GPM6A: variants seen among roughly 807,000 people sequenced by gnomAD.
The protein encoded by GPM6A is neuronal membrane glycoprotein M6-a.
GPM6A carries 7 observed loss-of-function variants against 32.1 expected under a neutral mutation model. The observed-to-expected ratio is 0.22, with a 90% CI of 0.12 to 0.41. GPM6A has a LOEUF of 0.41. Among genes scored for constraint, GPM6A ranks in the 10% least tolerant of loss-of-function variants. The probability of loss-of-function intolerance (pLI) is 1.00; values close to 1 mark genes in which losing one functional copy is unlikely to be tolerated. For missense variants in GPM6A, 235 were observed against 347.2 expected (o/e 0.68, Z 2.57); for synonymous variants, 130 against 123.4 (o/e 1.05, Z -0.35).
rs373207401 is a variant in GPM6A, at chr4:175,840,443, C to T, written c.-22-28194G>A. Among the ~76,000 whole-genome samples, 19 of 152,210 alleles carry T rather than the reference C, an allele frequency of 1.2e-4. No homozygotes were observed. In the East Asian group the frequency reaches 3.1e-3, roughly 25 times the overall value. On this transcript the variant is annotated intron_variant, in intron 1 of 7. Transcript: ENST00000280187. ...CTGTAATCCCAGCACTTTGGGAGAC[C>T]GAGGCGGACGGATCACCTGAGGTCA...
chr4:175,841,548 C>T (rs1735934998), intron 1 of GPM6A, among the ~76,000 whole-genome samples: 1 of 152,142 alleles, frequency 6.6e-6, no homozygotes, highest in Non-Finnish European at 1.5e-5. Context: ...CAAAGCCCAG[C>T]AGATAAACCT....
intron 1 of GPM6A, among the ~76,000 whole-genome samples, chr4:175,810,059 T>C (rs1734853890): frequency 6.6e-6 from 1 of 152,160 alleles, no homozygotes. Flanking sequence ...AAAAACAGGA[T>C]AAGAACTAAC....
intron 1 of GPM6A, among the ~76,000 whole-genome samples, chr4:175,831,715 C>CTCT (rs1553993666): frequency 2.9e-5 from 2 of 69,938 alleles, no homozygotes; most frequent in African/African-American, 1.1e-4. Context: ...TTAGCCATCT[C>CTCT]TTTTTTTTTT....
chr4:175,935,075 T>C (rs1739174947), intron 1 of GPM6A, among the ~76,000 whole-genome samples: 1 of 152,212 alleles, frequency 6.6e-6, no homozygotes, highest in Non-Finnish European at 1.5e-5. Flanking sequence ...TCTTGACTAC[T>C]TTAATGTGGA....
intron 1 of GPM6A, among the ~76,000 whole-genome samples, chr4:175,867,222 G>A (rs757493528): frequency 1.9e-4 from 29 of 152,102 alleles, no homozygotes; most frequent in Admixed American, 5.2e-4. Flanking sequence ...TTCTCTTGAC[G>A]TTGTCTTTCA....
At chr4:175,826,335 G>A (rs570136650) in intron 1 of GPM6A, among the ~76,000 whole-genome samples, 4 of 45,526 alleles carry the variant, frequency 8.8e-5, no homozygotes, top group Admixed American at 6.9e-4. Flanking sequence ...TGGCGTACAC[G>A]TGTGTGTGTG....
rs78847893 is a variant in GPM6A at position 175,797,451 on chromosome 4, C to T, written c.37+14740G>A. Among the ~76,000 whole-genome samples the T allele has an allele frequency of 5.6e-3, 852 of 152,136 alleles. 5 individuals carry two copies. Among genetic ancestry groups the T allele is most frequent in the African/African-American group, 0.018 (740 of 41,500 alleles). ...GATGTGATATCAATGTTTGTATCCC[C>T]GCCCTCAAATAATTGAGCTCCCATG... On this transcript the variant is annotated intron_variant, in intron 1 of 6. Transcript: ENST00000393658.
intron 1 of GPM6A, among the ~76,000 whole-genome samples, chr4:175,933,189 T>C (rs1365682158): frequency 6.6e-6 from 1 of 151,934 alleles, no homozygotes; most frequent in East Asian, 1.9e-4. Flanking sequence ...AAAAACTCCA[T>C]TAAAAATGGG....
chr4:175,677,993 A>G (rs1743471173), intron 2 of GPM6A, among the ~76,000 whole-genome samples: 1 of 152,174 alleles, frequency 6.6e-6, no homozygotes, highest in South Asian at 2.1e-4. Context: ...GACCTCAACA[A>G]TATTTCTTCC....
intron 1 of GPM6A, among the ~76,000 whole-genome samples, chr4:175,944,077 A>C (rs1206920240): frequency 2.0e-5 from 3 of 152,122 alleles, no homozygotes; most frequent in Non-Finnish European, 4.4e-5. Flanking sequence ...TGGTCTATTC[A>C]TGGATTTGAC....
chr4:175,788,398 A>C (rs1470259786), intron 1 of GPM6A, among the ~76,000 whole-genome samples: 1 of 152,188 alleles, frequency 6.6e-6, no homozygotes, highest in African/African-American at 2.4e-5. Flanking sequence ...AATTTCTTTA[A>C]ATTGGCAAGG....
chr4:175,732,097 G>C (rs1458279571), intron 1 of GPM6A, among the ~76,000 whole-genome samples: 1 of 151,134 alleles, frequency 6.6e-6, no homozygotes, highest in Non-Finnish European at 1.5e-5. Context: ...CTCCCTAATA[G>C]CTGGGACTAC....
chr4:175,732,659 T>C (rs1731483971), intron 1 of GPM6A, among the ~76,000 whole-genome samples: 1 of 152,170 alleles, frequency 6.6e-6, no homozygotes, highest in Non-Finnish European at 1.5e-5. Flanking sequence ...CACCTTTCTA[T>C]AACTAACTCA....
intron 1 of GPM6A, among the ~76,000 whole-genome samples, chr4:175,988,351 C>G (rs1741041167): frequency 6.6e-6 from 1 of 152,050 alleles, no homozygotes; most frequent in African/African-American, 2.4e-5. Flanking sequence ...GACAGGAGTG[C>G]AAATAATTTC....
At chr4:175,810,501 C>G (rs867745288) in intron 1 of GPM6A, among the ~76,000 whole-genome samples, 29 of 152,252 alleles carry the variant, frequency 1.9e-4, no homozygotes, top group African/African-American at 6.3e-4. Flanking sequence ...CCTCCACCCC[C>G]ATAAAAGAAA....
intron 1 of GPM6A, among the ~76,000 whole-genome samples, chr4:175,966,126 G>T (rs896598167): frequency 4.6e-5 from 7 of 152,000 alleles, no homozygotes; most frequent in African/African-American, 1.7e-4. Flanking sequence ...ATATTTTCAG[G>T]CTTGTTGCAG....
At chr4:175,841,528 C>A (rs559526411) in intron 1 of GPM6A, among the ~76,000 whole-genome samples, 1 of 152,194 alleles carries the variant, frequency 6.6e-6, no homozygotes, top group East Asian at 1.9e-4. Flanking sequence ...GATAGGAAGT[C>A]TATAAAAAGC....
At chr4:175,856,656 G>C (rs969127813) in intron 1 of GPM6A, among the ~76,000 whole-genome samples, 10 of 152,200 alleles carry the variant, frequency 6.6e-5, no homozygotes, top group Admixed American at 4.6e-4. Context: ...TTGAAGGTTG[G>C]TGTATGCAGA....
rs142857530 is a variant in GPM6A at position 175,913,589 on chromosome 4, C to T, written c.-23+88720G>A. Among the ~76,000 whole-genome samples, 224 of 152,266 alleles carry T rather than the reference C, an allele frequency of 1.5e-3. 1 individual carries two copies. The highest frequency in any genetic ancestry group is 5.2e-3 in the African/African-American group (218 of 41,556). ...TCAGCCCCATCTCCCACTACTCATC[C>T]ACCTATTCAATCCGGCCACATCAGC... On this transcript the variant is annotated intron_variant, in intron 1 of 7. Coordinates refer to the GPM6A transcript ENST00000280187.
Sources: gnomAD v4.1 joint callset for allele counts (sites outside exome capture counted in the v4.1 genomes callset) on GRCh38, gnomAD v4.1.1 for gene constraint, MANE v1.5 for transcripts, NCBI Gene and HGNC (gene_info 2026-07-23, HGNC 2026-07-21) for gene names.